The following COL24A1 variants were observed in gnomAD, a reference collection of about 807,000 sequenced individuals.
COL24A1 encodes collagen type XXIV alpha 1 chain, also known as collagen alpha-1(XXIV) chain.
Under a neutral mutation model 253.9 loss-of-function variants are expected in COL24A1, and 224 were observed. The observed-to-expected ratio is 0.88, with a 90% CI of 0.79 to 0.99. COL24A1 has a LOEUF of 0.99. COL24A1 is among the 50% of genes least tolerant of loss of function. The pLI, the probability that COL24A1 is intolerant of heterozygous loss-of-function variation, is 0.00. For synonymous variants in COL24A1, 685 were observed against 673.7 expected, an observed-to-expected ratio of 1.02 and a Z score of -0.26; for missense variants, 2,131 against 2,068.5, an observed-to-expected ratio of 1.03 and a Z score of -0.59.
chr1:85,905,396 T>C (rs1478333500), intron 28 of COL24A1, among the ~76,000 whole-genome samples: 2 of 152,152 alleles, frequency 1.3e-5, no homozygotes, highest in Admixed American at 1.3e-4. Context: ...AATAGGAATA[T>C]ATCAGTGGCT....
chr1:85,877,251 G>A, intron 32 of COL24A1, 76 bp from the exon 33 acceptor site: 1 of 1,007,054 alleles, frequency 9.9e-7, no homozygotes, highest in Non-Finnish European at 1.5e-6. Flanking sequence ...CTGGATATGG[G>A]TTTTATAATA....
chr1:85,783,568 C>T lies in COL24A1; in HGVS notation c.4222-10G>A, dbSNP rs573960489. 3.7e-6 allele frequency: 6 copies of T among 1,611,126 alleles called. No individual in the cohort carries two copies. Among genetic ancestry groups the T allele is most frequent in the Admixed American group, 1.7e-5 (1 of 59,736 alleles). ...CATCCCCTTCAGGACCCTAGACATA[C>T]AATAAGAAACAAAAAGATAAAATTT... On this transcript the variant is annotated splice_polypyrimidine_tract_variant and intron_variant, in intron 50 of 59. Transcript: ENST00000370571.
rs767293442 is a variant in COL24A1, at chr1:85,964,974, T to C, written c.2517+35A>G. 8.4e-6 allele frequency: 13 copies of C among 1,554,816 alleles called. No individual in the cohort carries two copies. In the South Asian group the frequency reaches 1.5e-4, roughly 18 times the overall value. On this transcript the variant is annotated intron_variant, in intron 23 of 59. Coordinates refer to ENST00000370571, the MANE Select transcript of COL24A1 (RefSeq NM_152890.7). ...CATAATTTTATCTTTCTGAAAATTATATTTTAAAACTGATAATAAAGTCAG... is the reference window on the plus strand; with the variant it reads ...CATAATTTTATCTTTCTGAAAATTACATTTTAAAACTGATAATAAAGTCAG...
At chr1:86,004,027 A>C (rs555411362) in intron 19 of COL24A1, among the ~76,000 whole-genome samples, 1 of 152,324 alleles carries the variant, frequency 6.6e-6, no homozygotes, top group South Asian at 2.1e-4. Flanking sequence ...TAGTAGAGAC[A>C]GAAGTTATGT....
At chr1:85,887,694 G>T (rs1682673410) in intron 32 of COL24A1, among the ~76,000 whole-genome samples, 3 of 152,094 alleles carry the variant, frequency 2.0e-5, no homozygotes, top group Admixed American at 2.0e-4. Flanking sequence ...GTACTTCTAA[G>T]GGGATCTAAT....
rs774839476 is a variant in COL24A1 at position 85,740,953 on chromosome 1, C to CAAAAAAAAAAAAAAAA, written c.4673-3464_4673-3449dup. 2.5e-4 allele frequency among the ~76,000 whole-genome samples: 21 copies of CAAAAAAAAAAAAAAAA among 83,026 alleles called. 2 individuals are homozygous for CAAAAAAAAAAAAAAAA. The highest frequency in any genetic ancestry group is 9.0e-4 in the African/African-American group (20 of 22,322). 54.5% of individuals were successfully genotyped at this position (83,026 alleles called of 152,430 possible). A position where few individuals can be genotyped will look rare whatever the true frequency, so the allele number is the denominator to read the frequency against. On this transcript the variant is annotated intron_variant, in intron 57 of 59. Transcript: ENST00000370571. Reference sequence around the variant, plus strand: ...TGAAACCCTGTCTCTTCTAAAAATACAAAAAAAAAAAAAAAATTAGCTGGG... The same window carrying CAAAAAAAAAAAAAAAA: ...TGAAACCCTGTCTCTTCTAAAAATACAAAAAAAAAAAAAAAAAAAAAAAAAAAAAAAATTAGCTGGG...
chr1:85,913,587 G>T (rs1391953699), intron 24 of COL24A1, among the ~76,000 whole-genome samples: 1 of 152,122 alleles, frequency 6.6e-6, no homozygotes, highest in African/African-American at 2.4e-5. Context: ...ACTGCCATCC[G>T]GCCACTTTGG....
intron 24 of COL24A1, among the ~76,000 whole-genome samples, chr1:85,954,022 C>T (rs916362905): frequency 2.0e-5 from 3 of 152,116 alleles, no homozygotes; most frequent in African/African-American, 7.2e-5. Flanking sequence ...AGCAAAGTTC[C>T]ATTTTAATAT....
At chr1:86,144,286 C>T (rs7518215) in intron 2 of COL24A1, among the ~76,000 whole-genome samples, 18,752 of 151,906 alleles carry the variant, frequency 0.12, 1,275 homozygotes, top group East Asian at 0.28. Context: ...TTTGTTGGTT[C>T]TAGATTTTTA....
intron 20 of COL24A1, among the ~76,000 whole-genome samples, chr1:85,975,178 T>A (rs912034035): frequency 6.6e-6 from 1 of 152,088 alleles, no homozygotes; most frequent in Non-Finnish European, 1.5e-5. Flanking sequence ...TGTAAATCAA[T>A]ACAGCTAATA....
intron 24 of COL24A1, among the ~76,000 whole-genome samples, chr1:85,926,505 A>G (rs1045680376): frequency 2.0e-5 from 3 of 152,200 alleles, no homozygotes; most frequent in Non-Finnish European, 4.4e-5. Flanking sequence ...GGGTGAGTTC[A>G]TGTCCTTTGC....
chr1:85,948,063 T>A (rs1450646935), intron 24 of COL24A1, among the ~76,000 whole-genome samples: 1 of 152,230 alleles, frequency 6.6e-6, no homozygotes, highest in Non-Finnish European at 1.5e-5. Context: ...TGAAGTCTCA[T>A]GCATATCTCC....
chr1:85,954,361 T>C (rs1231517267), intron 24 of COL24A1, among the ~76,000 whole-genome samples: 18 of 152,180 alleles, frequency 1.2e-4, no homozygotes, highest in Admixed American at 1.2e-3. Context: ...ATTATACTTA[T>C]TCATTAGAAA....
At chr1:85,889,696 G>A in intron 31 of COL24A1, 83 bp from the exon 32 acceptor site, 1 of 1,204,494 alleles carries the variant, frequency 8.3e-7, no homozygotes, top group Non-Finnish European at 1.2e-6. Flanking sequence ...CTTTCCTATG[G>A]ATCCTTCCAC....
At chr1:85,764,500 ACACACC>A (rs1308645963) in intron 53 of COL24A1, among the ~76,000 whole-genome samples, 2 of 112,784 alleles carry the variant, frequency 1.8e-5, no homozygotes, top group Non-Finnish European at 3.8e-5. Context: ...ACACACACAC[ACACACC>A]ATATTCCTTA....
At chr1:85,918,880 G>A (rs567929674) in intron 24 of COL24A1, among the ~76,000 whole-genome samples, 1 of 152,124 alleles carries the variant, frequency 6.6e-6, no homozygotes, top group Non-Finnish European at 1.5e-5. Flanking sequence ...AATATTCACT[G>A]CTCCTTTCTG....
intron 24 of COL24A1, among the ~76,000 whole-genome samples, chr1:85,944,885 G>T (rs1234370492): frequency 6.7e-6 from 1 of 149,518 alleles, no homozygotes; most frequent in Non-Finnish European, 1.5e-5. Flanking sequence ...TACTGAGAAT[G>T]ATGATTTCCA....
intron 47 of COL24A1, among the ~76,000 whole-genome samples, chr1:85,813,196 C>T (rs1243687339): frequency 6.6e-6 from 1 of 151,182 alleles, no homozygotes; most frequent in Non-Finnish European, 1.5e-5. Context: ...GCATAAAAAC[C>T]TGTAGTATAT....
chr1:86,038,877 G>A (rs946032975), intron 12 of COL24A1, among the ~76,000 whole-genome samples: 2 of 152,146 alleles, frequency 1.3e-5, no homozygotes, highest in African/African-American at 2.4e-5. Flanking sequence ...GCCTTCAGAT[G>A]ACAGTAGCCC....
Sources: allele counts gnomAD v4.1 joint callset (sites outside exome capture counted in the v4.1 genomes callset), GRCh38; gene constraint gnomAD v4.1.1; transcripts MANE v1.5; gene names NCBI Gene and HGNC (gene_info 2026-07-23, HGNC 2026-07-21).